The following RBPJ variants were observed in gnomAD, a reference collection of about 807,000 sequenced individuals.
RBPJ encodes the protein recombination signal binding protein for immunoglobulin kappa J region.
RBPJ carries 9 observed loss-of-function variants against 67.8 expected under a neutral mutation model. The ratio of observed to expected loss-of-function variants is 0.13; its 90% CI spans 0.08 to 0.23. The LOEUF is 0.23. Ranked by LOEUF, RBPJ falls within the 10% of genes least tolerant of loss-of-function variation. The probability of loss-of-function intolerance (pLI) is 1.00; values close to 1 mark genes in which losing one functional copy is unlikely to be tolerated. For synonymous variants in RBPJ, 198 were observed against 203.3 expected (o/e 0.97, Z 0.22); for missense variants, 305 against 595.6 (o/e 0.51, Z 5.08).
chr4:26,188,644 C>T (rs1717364641), intron 1 of RBPJ, among the ~76,000 whole-genome samples: 1 of 152,172 alleles, frequency 6.6e-6, no homozygotes, highest in Non-Finnish European at 1.5e-5. Context: ...GCTGATTTGG[C>T]TTATTCAACT....
At chr4:26,377,959 T>G (rs1729926450) in intron 1 of RBPJ, among the ~76,000 whole-genome samples, 1 of 152,234 alleles carries the variant, frequency 6.6e-6, no homozygotes, top group African/African-American at 2.4e-5. Context: ...TCACTAATAA[T>G]CACGTGTAGG....
Position 26,270,424 on chromosome 4 carries a change from AGAAAGAAAGAAAGAAG to A in RBPJ, c.-166-92021_-166-92006del, listed in dbSNP as rs1560237953. Among the ~76,000 whole-genome samples, 49 of 57,220 alleles carry A rather than the reference AGAAAGAAAGAAAGAAG, an allele frequency of 8.6e-4. 2 individuals carry two copies. Among genetic ancestry groups the A allele is most frequent in the African/African-American group, 2.1e-3 (46 of 21,904 alleles). The allele number at this position is 57,220 out of a possible 152,430, so 37.5% of individuals were successfully genotyped here. On this transcript the variant is annotated intron_variant, in intron 1 of 4. Transcript: ENST00000512351. ...AAGAAAGAAAGAAAGAAAGAAAGAA[AGAAAGAAAGAAAGAAG>A]AAAGAAAGAAAGAAAGAAAAGAAAA...
At chr4:26,122,295 A>G in the RBPJ span, among the ~76,000 whole-genome samples, 14 of 152,338 alleles carry the variant, frequency 9.2e-5, no homozygotes, top group South Asian at 2.5e-3. Flanking sequence ...GGACTGTCCA[A>G]TAATAACAGC....
At chr4:26,323,134 A>G (rs969984688) in intron 1 of RBPJ, among the ~76,000 whole-genome samples, 2 of 151,962 alleles carry the variant, frequency 1.3e-5, no homozygotes, top group Non-Finnish European at 2.9e-5. Context: ...ATGGAAAACC[A>G]TGTTTTCATG....
upstream of RBPJ, among the ~76,000 whole-genome samples, chr4:26,318,854 G>A (rs576413794): frequency 3.2e-4 from 48 of 151,896 alleles, no homozygotes; most frequent in African/African-American, 1.1e-3. Flanking sequence ...AAAATTAGCC[G>A]GGCGTGGTGG....
At chr4:26,185,716 C>T (rs1168386152) in intron 1 of RBPJ, among the ~76,000 whole-genome samples, 2 of 152,134 alleles carry the variant, frequency 1.3e-5, no homozygotes, top group Non-Finnish European at 2.9e-5. Context: ...TCCTAGGATC[C>T]CCACAGGTAA....
intron 1 of RBPJ, among the ~76,000 whole-genome samples, chr4:26,285,867 G>A (rs1046105179): frequency 3.3e-5 from 5 of 152,086 alleles, no homozygotes; most frequent in South Asian, 2.1e-4. Flanking sequence ...TTGGATATAT[G>A]AGTGAAATTA....
intron 3 of RBPJ, among the ~76,000 whole-genome samples, chr4:26,408,893 C>T (rs1733740404): frequency 6.6e-6 from 1 of 152,160 alleles, no homozygotes; most frequent in African/African-American, 2.4e-5. Flanking sequence ...GGAAAAGATC[C>T]TTTAAATACT....
chr4:26,346,878 G>C (rs1726207234), intron 1 of RBPJ, among the ~76,000 whole-genome samples: 1 of 152,064 alleles, frequency 6.6e-6, no homozygotes, highest in African/African-American at 2.4e-5. Flanking sequence ...TGTAGTCCCA[G>C]CTACTTGGGA....
At chr4:26,132,841 G>GA in the RBPJ span, among the ~76,000 whole-genome samples, 1 of 152,114 alleles carries the variant, frequency 6.6e-6, no homozygotes, top group African/African-American at 2.4e-5. Context: ...CCTGATGCAA[G>GA]AGGGGGCAGG....
chr4:26,300,808 G>A (rs1364006185), intron 1 of RBPJ, among the ~76,000 whole-genome samples: 2 of 152,130 alleles, frequency 1.3e-5, no homozygotes, highest in Non-Finnish European at 2.9e-5. Flanking sequence ...TTGAATCAAC[G>A]GATGACAGAT....
At chr4:26,144,392 C>A in the RBPJ span, among the ~76,000 whole-genome samples, 5 of 151,276 alleles carry the variant, frequency 3.3e-5, no homozygotes, top group African/African-American at 9.7e-5. Flanking sequence ...GCCTCAGCCC[C>A]CCGAGTAGCT....
At chr4:26,268,307 C>T (rs16878230) in intron 1 of RBPJ, among the ~76,000 whole-genome samples, 10,554 of 151,978 alleles carry the variant, frequency 0.069, 1,230 homozygotes, top group African/African-American at 0.24. Flanking sequence ...TTTCTGTGTA[C>T]GGTTCTGGTC....
intron 2 of RBPJ, among the ~76,000 whole-genome samples, chr4:26,393,877 A>G (rs1432995369): frequency 1.3e-5 from 2 of 151,878 alleles, no homozygotes; most frequent in Non-Finnish European, 2.9e-5. Flanking sequence ...TCTTACTCCC[A>G]TTTTCCAAAT....
At chr4:26,302,747 G>T (rs1722113159) in intron 1 of RBPJ, among the ~76,000 whole-genome samples, 2 of 152,178 alleles carry the variant, frequency 1.3e-5, no homozygotes, top group Non-Finnish European at 2.9e-5. Flanking sequence ...GTCCTGTTCA[G>T]GGGTGTGGAA....
intron 1 of RBPJ, among the ~76,000 whole-genome samples, chr4:26,261,468 A>C (rs1720533341): frequency 6.6e-6 from 1 of 152,228 alleles, no homozygotes; most frequent in Non-Finnish European, 1.5e-5. Context: ...CCCTTGGTCA[A>C]AGGTAAGAGA....
chr4:26,315,632 C>T (rs111613083), upstream of RBPJ, among the ~76,000 whole-genome samples: 18 of 152,128 alleles, frequency 1.2e-4, no homozygotes, highest in African/African-American at 3.6e-4. Context: ...AAACAGGGTT[C>T]GAGAGCAGAG....
intron 1 of RBPJ, among the ~76,000 whole-genome samples, chr4:26,251,902 C>T (rs974900658): frequency 2.0e-5 from 3 of 150,790 alleles, no homozygotes; most frequent in African/African-American, 7.3e-5. Context: ...AAGACTCAGC[C>T]GCAATGGAAA....
the RBPJ span, among the ~76,000 whole-genome samples, chr4:26,157,368 G>A: frequency 6.6e-6 from 1 of 152,112 alleles, no homozygotes; most frequent in East Asian, 1.9e-4. Flanking sequence ...AGGAGTTTGA[G>A]GTTACAGTGA....
Sources: gnomAD v4.1 joint callset for allele counts (sites outside exome capture counted in the v4.1 genomes callset) on GRCh38, gnomAD v4.1.1 for gene constraint, MANE v1.5 for transcripts, NCBI Gene and HGNC (gene_info 2026-07-23, HGNC 2026-07-21) for gene names.